TFAP2D: variants seen among roughly 807,000 people sequenced by gnomAD.
The protein encoded by TFAP2D is transcription factor AP-2-delta.
Under a neutral mutation model 43.6 loss-of-function variants are expected in TFAP2D, and 9 were observed. The observed-to-expected ratio is 0.21, with a 90% CI of 0.12 to 0.36. The LOEUF is 0.36. TFAP2D is among the 10% of genes least tolerant of loss of function. TFAP2D has a pLI of 1.00. For synonymous variants in TFAP2D, 256 were observed against 224.9 expected, an observed-to-expected ratio of 1.14 and a Z score of -1.24; for missense variants, 513 against 561.4, an observed-to-expected ratio of 0.91 and a Z score of 0.87.
At chr6:50,728,225 T>C (rs919688695) in intron 3 of TFAP2D, among the ~76,000 whole-genome samples, 1 of 152,214 alleles carries the variant, frequency 6.6e-6, no homozygotes, top group African/African-American at 2.4e-5. Flanking sequence ...ATTACTATGT[T>C]CTGGGTCTTG....
chr6:50,755,372 C>T (rs907104724), intron 7 of TFAP2D, among the ~76,000 whole-genome samples: 1 of 151,000 alleles, frequency 6.6e-6, no homozygotes, highest in Non-Finnish European at 1.5e-5. Flanking sequence ...ATATACTCTG[C>T]TCTTTACAAG....
intron 7 of TFAP2D, among the ~76,000 whole-genome samples, chr6:50,754,601 A>G (rs191597389): frequency 2.8e-4 from 43 of 152,072 alleles, no homozygotes; most frequent in Non-Finnish European, 4.7e-4. Context: ...CATAGCAGCT[A>G]TACCATTTTA....
intron 1 of TFAP2D, 83 bp downstream of exon 1, chr6:50,714,177 G>T: frequency 7.1e-7 from 1 of 1,404,874 alleles, no homozygotes; most frequent in Non-Finnish European, 9.8e-7. Flanking sequence ...CGGCGGCGGT[G>T]GCAGCCTCCC....
intron 5 of TFAP2D, among the ~76,000 whole-genome samples, chr6:50,740,425 T>A (rs968233587): frequency 6.6e-6 from 1 of 151,544 alleles, no homozygotes; most frequent in Non-Finnish European, 1.5e-5. Context: ...AGAAAGAATT[T>A]TGTTTGTTTG....
intron 3 of TFAP2D, among the ~76,000 whole-genome samples, chr6:50,727,058 C>A (rs928666685): frequency 1.3e-5 from 2 of 152,188 alleles, no homozygotes; most frequent in African/African-American, 4.8e-5. Context: ...GAGGTTTTGG[C>A]AGAGTGCACA....
chr6:50,739,266 C>T (rs951766078), intron 5 of TFAP2D, among the ~76,000 whole-genome samples: 5 of 152,132 alleles, frequency 3.3e-5, no homozygotes, highest in African/African-American at 1.2e-4. Context: ...GTTCCCCACC[C>T]TGTGTCCAAG....
chr6:50,717,288 A>G (rs1444334671), intron 2 of TFAP2D, among the ~76,000 whole-genome samples: 1 of 152,250 alleles, frequency 6.6e-6, no homozygotes, highest in Admixed American at 6.5e-5. Flanking sequence ...TTTTCGACTT[A>G]GTGCCATTCA....
chr6:50,713,725 C>A lies in TFAP2D; in HGVS notation c.-331C>A. The A allele has an allele frequency of 5.3e-6, 2 of 379,894 alleles. No homozygotes were observed. The highest frequency in any genetic ancestry group is 7.6e-4 in the Middle Eastern group (1 of 1,312). The allele number at this position is 379,894 out of a possible 1,614,324, so 23.5% of individuals were successfully genotyped here. ...GGATAAATCTCTTCTGCCTATTGTC[C>A]TCCCAGTTCTCAGTGCTGATGCTTA... On this transcript the variant is annotated 5_prime_UTR_variant, in exon 1 of 8. Coordinates refer to ENST00000008391, the MANE Select transcript of TFAP2D (RefSeq NM_172238.4).
chr6:50,721,867 G>A (rs549157204), intron 3 of TFAP2D, among the ~76,000 whole-genome samples: 34 of 152,330 alleles, frequency 2.2e-4, no homozygotes, highest in African/African-American at 7.7e-4. Context: ...GAAAAAAATA[G>A]ATTCCACTTC....
At position 50,768,903 on chromosome 6, in the gene TFAP2D, C is replaced by CTTT. The variant is rs34182627; in HGVS notation, c.1140-3727_1140-3725dup. Among the ~76,000 whole-genome samples the CTTT allele has an allele frequency of 2.0e-3, 261 of 127,862 alleles. 2 individuals are homozygous for CTTT. Among genetic ancestry groups the CTTT allele is most frequent in the East Asian group, 3.4e-3 (14 of 4,084 alleles). The allele number at this position is 127,862 out of a possible 152,430, so 83.9% of individuals were successfully genotyped here. On this transcript the variant is annotated intron_variant, in intron 7 of 7. Coordinates refer to ENST00000008391, the MANE Select transcript of TFAP2D (RefSeq NM_172238.4). ...TAGAGTTCTTTGTTGAACGAAGTGGCTTTTTTTTTTTTTTTTTGAGACAAA... is the reference window on the plus strand; with the variant it reads ...TAGAGTTCTTTGTTGAACGAAGTGGCTTTTTTTTTTTTTTTTTTTTGAGACAAA...
chr6:50,731,818 A>G (rs577326799), intron 5 of TFAP2D, among the ~76,000 whole-genome samples: 4 of 152,048 alleles, frequency 2.6e-5, no homozygotes, highest in Non-Finnish European at 5.9e-5. Context: ...AGCCAGCAAG[A>G]TGCCATGTTC....
intron 5 of TFAP2D, among the ~76,000 whole-genome samples, chr6:50,734,526 G>A (rs1561934808): frequency 6.6e-6 from 1 of 151,986 alleles, no homozygotes; most frequent in Non-Finnish European, 1.5e-5. Flanking sequence ...CGCAGACCCA[G>A]GGACCCAGAA....
rs776907506 is a variant in TFAP2D at position 50,772,786 on chromosome 6, T to A, written c.1281T>A (p.His427Gln). Residue 427 changes from histidine (H) to glutamine (Q), a missense_variant, in exon 8 of 8, where the codon CAT becomes CAA. His to Gln is a conservative substitution (Grantham distance 24). This residue lies in a region of TFAP2D where 199 missense variants were observed against 227.9 expected (regional missense o/e 0.87). Transcript: ENST00000008391. ...NGGAADSGQG[H>Q]ANSEKAPLRK... ...GAGCGGCGGATTCTGGCCAAGGACA[T>A]GCCAACTCGGAGAAAGCTCCCCTGC... 6.2e-6 allele frequency: 10 copies of A among 1,613,990 alleles called. No homozygotes were observed. The East Asian group carries it at 2.2e-4, about 36-fold the overall frequency.
intron 3 of TFAP2D, among the ~76,000 whole-genome samples, chr6:50,719,501 G>GAAAGAAAGT (rs3835214): frequency 3.7e-5 from 5 of 133,460 alleles, no homozygotes; most frequent in African/African-American, 8.3e-5. Context: ...AAGAAAGAAA[G>GAAAGAAAGT]AAGTTTCTCA....
At chr6:50,762,746 A>G (rs1284557020) in intron 7 of TFAP2D, among the ~76,000 whole-genome samples, 4 of 152,150 alleles carry the variant, frequency 2.6e-5, no homozygotes. Flanking sequence ...GAGTTTTCTC[A>G]GCAGGTGATG....
chr6:50,731,330 A>T (rs906720669), intron 5 of TFAP2D, among the ~76,000 whole-genome samples: 3 of 151,990 alleles, frequency 2.0e-5, no homozygotes, highest in Non-Finnish European at 4.4e-5. Context: ...TAGAGAAATA[A>T]ATCTTTCACT....
At position 50,772,863 on chromosome 6, in the gene TFAP2D, A is replaced by G; in HGVS notation, c.1358A>G (p.Ter453TrpextTer14). 6.2e-7 allele frequency: 1 copy of G among 1,610,478 alleles called. No homozygotes were observed. The highest frequency in any genetic ancestry group is 8.5e-7 in the Non-Finnish European group (1 of 1,178,150). Residue 453 changes from the stop codon to tryptophan (W), a stop_lost, in exon 8 of 8, where the codon TAG becomes TGG. Coordinates refer to ENST00000008391, the MANE Select transcript of TFAP2D (RefSeq NM_172238.4). Reference sequence around the variant, plus strand: ...GAGGGCAAAACAGAAAAGACAGACTAGCTACATCAAACAGAATCTATTTCC... The same window carrying G: ...GAGGGCAAAACAGAAAAGACAGACTGGCTACATCAAACAGAATCTATTTCC... ...VKEGKTEKTD[*>W]
intron 5 of TFAP2D, among the ~76,000 whole-genome samples, chr6:50,743,824 T>G (rs1051426636): frequency 2.0e-5 from 3 of 152,064 alleles, no homozygotes; most frequent in Admixed American, 2.0e-4. Context: ...ACAACAAACA[T>G]GAAAAGATTA....
chr6:50,721,142 G>A (rs1293818595), intron 3 of TFAP2D, among the ~76,000 whole-genome samples: 1 of 152,192 alleles, frequency 6.6e-6, no homozygotes, highest in Non-Finnish European at 1.5e-5. Context: ...CTTAGGTGAT[G>A]CTTTATTATT....
Sources: gnomAD v4.1 joint callset for allele counts (sites outside exome capture counted in the v4.1 genomes callset) on GRCh38, gnomAD v4.1.1 for gene constraint, gnomAD v4.1.1 regional missense constraint, MANE v1.5 for transcripts, NCBI Gene and HGNC (gene_info 2026-07-23, HGNC 2026-07-21) for gene names.